Variants in ZNF407 observed in about 807,000 individuals in gnomAD.
ZNF407 encodes the protein zinc finger protein 407.
A neutral mutation model predicts 131.2 loss-of-function variants in ZNF407; 17 were observed. That is an observed-to-expected ratio of 0.13 (90% CI 0.09 to 0.19). ZNF407 has a LOEUF of 0.19. ZNF407 is among the 10% of genes least tolerant of loss of function. The pLI is 1.00. For missense variants in ZNF407, 2,681 were observed against 2,830.6 expected (o/e 0.95, Z 1.20); for synonymous variants, 1,156 against 1,062.0 (o/e 1.09, Z -1.72).
At chr18:74,940,105 G>A (rs150789045) in intron 8 of ZNF407, among the ~76,000 whole-genome samples, 21 of 152,266 alleles carry the variant, frequency 1.4e-4, no homozygotes, top group African/African-American at 4.3e-4. Context: ...GAAAGATTCC[G>A]AGGATTAGAA....
chr18:74,946,728 G>A (rs1972157919), intron 8 of ZNF407, among the ~76,000 whole-genome samples: 1 of 152,114 alleles, frequency 6.6e-6, no homozygotes, highest in African/African-American at 2.4e-5. Flanking sequence ...AAAAAACTAA[G>A]CATAAATGTG....
intron 4 of ZNF407, among the ~76,000 whole-genome samples, chr18:74,789,587 C>T (rs769342045): frequency 1.4e-4 from 22 of 152,104 alleles, no homozygotes; most frequent in Admixed American, 2.6e-4. Flanking sequence ...AGAAAGCCAG[C>T]GAAGTTGAGA....
At chr18:74,630,940 T>A in intron 1 of ZNF407, 27 bp from the exon 2 acceptor site, 1 of 1,465,210 alleles carries the variant, frequency 6.8e-7, no homozygotes, top group South Asian at 1.5e-5. Context: ...TATTCAAGAT[T>A]TAATACCATG....
chr18:74,886,487 A>G (rs1243907937), intron 6 of ZNF407, among the ~76,000 whole-genome samples: 1 of 152,192 alleles, frequency 6.6e-6, no homozygotes, highest in Non-Finnish European at 1.5e-5. Context: ...CCAAAAATGG[A>G]AACAACTCAA....
At chr18:74,987,868 A>G (rs1972671846) in intron 8 of ZNF407, among the ~76,000 whole-genome samples, 1 of 152,210 alleles carries the variant, frequency 6.6e-6, no homozygotes. Flanking sequence ...GTTAAATGTC[A>G]GGTATCCCCA....
chr18:75,002,011 T>G (rs1457069129), intron 8 of ZNF407, among the ~76,000 whole-genome samples: 2 of 152,114 alleles, frequency 1.3e-5, no homozygotes, highest in African/African-American at 4.8e-5. Context: ...GTCCAGAATG[T>G]CCAGGAGCCA....
rs188673646 is a variant in ZNF407, at chr18:74,676,724, G to A, written c.4802+35602G>A. On this transcript the variant is annotated intron_variant, in intron 3 of 8. Transcript: ENST00000299687. The stretch of plus-strand genomic sequence containing the variant: ...GCTGGGATTACAGACGTGAGCCACT[G>A]TGCCCGGCCAGTATTTTTTAAAAAT... 1.3e-3 allele frequency among the ~76,000 whole-genome samples: 194 copies of A among 152,260 alleles called. 2 individuals carry two copies. The East Asian group carries it at 0.024, about 19-fold the overall frequency.
chr18:74,661,389 T>C (rs1253822795), intron 3 of ZNF407, among the ~76,000 whole-genome samples: 1 of 148,100 alleles, frequency 6.8e-6, no homozygotes, highest in African/African-American at 2.4e-5. Flanking sequence ...ATTATATATA[T>C]ATATATAATA....
intron 8 of ZNF407, among the ~76,000 whole-genome samples, chr18:75,028,463 A>G (rs1300786977): frequency 2.0e-5 from 3 of 152,178 alleles, no homozygotes; most frequent in Non-Finnish European, 4.4e-5. Flanking sequence ...ACCTCTTTAA[A>G]GGCCCTGTCT....
At chr18:74,817,661 A>T (rs1412178470) in intron 4 of ZNF407, among the ~76,000 whole-genome samples, 4 of 152,204 alleles carry the variant, frequency 2.6e-5, no homozygotes, top group Non-Finnish European at 4.4e-5. Context: ...ATAAATGAGT[A>T]TCTATTTTTG....
intron 4 of ZNF407, among the ~76,000 whole-genome samples, chr18:74,801,656 T>C (rs1038320638): frequency 9.2e-5 from 14 of 152,226 alleles, no homozygotes; most frequent in Admixed American, 6.5e-5. Flanking sequence ...CAGATGCATG[T>C]CGAGGTCTCT....
chr18:74,858,587 G>A (rs1970892651), intron 4 of ZNF407, among the ~76,000 whole-genome samples: 1 of 152,162 alleles, frequency 6.6e-6, no homozygotes, highest in South Asian at 2.1e-4. Flanking sequence ...ACGCAGTCTG[G>A]GGGCTGTTGG....
At chr18:74,722,478 A>T (rs949555589) in intron 3 of ZNF407, among the ~76,000 whole-genome samples, 3 of 152,114 alleles carry the variant, frequency 2.0e-5, no homozygotes, top group African/African-American at 7.2e-5. Context: ...GGATTTCCTC[A>T]TTGGCTTTCT....
At position 74,635,272 on chromosome 18, in the gene ZNF407, A is replaced by G; in HGVS notation, c.4253A>G (p.Asp1418Gly). 2 of 1,614,056 alleles carry G rather than the reference A, an allele frequency of 1.2e-6. No homozygotes were observed. The highest frequency in any genetic ancestry group is 1.1e-5 in the South Asian group (1 of 91,084). The change falls in exon 2 of 9, where the codon GAT (aspartate) becomes GGT (glycine). Residue 1418 changes from aspartate to glycine, a missense_variant. Asp to Gly is a moderately conservative substitution (Grantham distance 94). This residue lies in a region of ZNF407 where 1,789 missense variants were observed against 1,748.7 expected (regional missense o/e 1.02). Transcript: ENST00000299687. This position sits in a 1 kb window ranked among gnomAD's most constrained non-coding sequence, Gnocchi z 4.7. ...GAGTCTACACGAATTCGCTGTGATG[A>G]TTGTGGCTTCTTAGCAGATGGACTG... is the stretch of plus-strand genomic sequence containing the variant. ...IGESTRIRCDDCGFLADGLSG... is the reference protein window; with the variant it reads ...IGESTRIRCDGCGFLADGLSG...
At chr18:74,767,888 G>A (rs1027940859) in intron 3 of ZNF407, among the ~76,000 whole-genome samples, 1 of 144,766 alleles carries the variant, frequency 6.9e-6, no homozygotes, top group African/African-American at 2.6e-5. Context: ...GGATGGTCTC[G>A]ATTTCCTGAC....
chr18:74,718,933 C>T (rs893402308), intron 3 of ZNF407, among the ~76,000 whole-genome samples: 1 of 152,028 alleles, frequency 6.6e-6, no homozygotes, highest in Non-Finnish European at 1.5e-5. Context: ...TCTATTTTGT[C>T]TGTCATTAAT....
intron 3 of ZNF407, among the ~76,000 whole-genome samples, chr18:74,717,878 A>C (rs1294609474): frequency 6.6e-6 from 1 of 152,218 alleles, no homozygotes; most frequent in Non-Finnish European, 1.5e-5. Context: ...CTGTGATAAA[A>C]AAATTTCAGA....
intron 4 of ZNF407, among the ~76,000 whole-genome samples, chr18:74,857,382 A>G (rs897856964): frequency 1.3e-5 from 2 of 152,214 alleles, no homozygotes; most frequent in African/African-American, 4.8e-5. Flanking sequence ...CAAGTATTTT[A>G]TAGATGGTTA....
chr18:74,767,165 G>A (rs555708561), intron 3 of ZNF407, among the ~76,000 whole-genome samples: 176 of 152,254 alleles, frequency 1.2e-3, no homozygotes, highest in Non-Finnish European at 1.9e-3. Context: ...ACCTGCGTCG[G>A]CCTCCCAAAG....
Sources: gnomAD v4.1 joint callset for allele counts (sites outside exome capture counted in the v4.1 genomes callset) on GRCh38, gnomAD v4.1.1 for gene constraint, gnomAD v4.1.1 regional missense constraint, Gnocchi (gnomAD v3.1) non-coding constraint, MANE v1.5 for transcripts, NCBI Gene and HGNC (gene_info 2026-07-23, HGNC 2026-07-21) for gene names.